Variants in ZNF138 observed in about 807,000 individuals in gnomAD.
ZNF138 encodes the protein zinc finger protein 138, also known as zinc finger protein 138 (clone pHZ-32).
In ZNF138, 33 loss-of-function variants were observed where a neutral mutation model predicts 33.0. That is an observed-to-expected ratio of 1.00 (90% confidence interval 0.76 to 1.34). ZNF138 has a LOEUF of 1.34. Among genes scored for constraint, ZNF138 ranks in the 40% most tolerant of loss-of-function variants. The pLI, the probability that ZNF138 is intolerant of heterozygous loss-of-function variation, is 0.00. For synonymous variants in ZNF138, 139 were observed against 120.4 expected, an observed-to-expected ratio of 1.15 and a Z score of -1.01; for missense variants, 360 against 370.8, an observed-to-expected ratio of 0.97 and a Z score of 0.24.
At chr7:64,814,822 T>G in intron 1 of ZNF138, 96 bp from the exon 2 acceptor site, 1 of 1,501,260 alleles carries the variant, frequency 6.7e-7, no homozygotes, top group Non-Finnish European at 9.1e-7. Context: ...TAATCAGTTT[T>G]CCTTACTGTC....
the ZNF138 span, among the ~76,000 whole-genome samples, chr7:64,841,362 AT>A: frequency 7.0e-4 from 107 of 152,160 alleles, no homozygotes; most frequent in African/African-American, 2.5e-3. Flanking sequence ...ATTTGTTCAG[AT>A]AAGAACTCGG....
chr7:64,834,633 A>ATTTT (rs1790309095), downstream of ZNF138, among the ~76,000 whole-genome samples: 1 of 152,182 alleles, frequency 6.6e-6, no homozygotes, highest in African/African-American at 2.4e-5. Context: ...GCTGCATCAA[A>ATTTT]GGTATGAGAG....
intron 3 of ZNF138, among the ~76,000 whole-genome samples, chr7:64,819,516 C>T (rs192368752): frequency 3.7e-4 from 56 of 151,788 alleles, no homozygotes; most frequent in African/African-American, 9.9e-4. Flanking sequence ...TACAGGTGGC[C>T]GCCACCATGC....
the ZNF138 span, among the ~76,000 whole-genome samples, chr7:64,839,662 AC>A: frequency 6.6e-6 from 1 of 152,110 alleles, no homozygotes; most frequent in Non-Finnish European, 1.5e-5. Context: ...AGCAGCTGTG[AC>A]CTGGCGGCAA....
chr7:64,838,009 C>T (rs1790411362), downstream of ZNF138, among the ~76,000 whole-genome samples: 2 of 152,058 alleles, frequency 1.3e-5, no homozygotes, highest in South Asian at 4.2e-4. Context: ...ATCCTTATAA[C>T]AGAGATTGAG....
Position 64,832,766 on chromosome 7 carries a change from T to C in ZNF138, c.*564T>C. On this transcript the variant is annotated 3_prime_UTR_variant, in exon 4 of 4. Transcript: ENST00000307355. ...AGAAACCTTACAAATGTGAGGAATG[T>C]GGCAAAGGTTTTAGCCAACTCTCAA... 2.2e-6 allele frequency: 1 copy of C among 453,034 alleles called. No individual in the cohort carries two copies. Among genetic ancestry groups the C allele is most frequent in the South Asian group, 1.7e-5 (1 of 57,844 alleles). The allele number at this position is 453,034 out of a possible 1,614,324, so 28.1% of individuals were successfully genotyped here.
chr7:64,810,495 C>A (rs1318591901), intron 1 of ZNF138, among the ~76,000 whole-genome samples: 1 of 151,166 alleles, frequency 6.6e-6, no homozygotes. Context: ...GTTTCTTATG[C>A]CTTGCTAAGA....
At chr7:64,852,828 T>C in the ZNF138 span, 199 of 838,782 alleles carry the variant, frequency 2.4e-4, 1 homozygote, top group South Asian at 2.6e-3. Context: ...TGACAGACAG[T>C]GGTAGTGACT....
chr7:64,834,339 TCA>T (rs1447254741), downstream of ZNF138, among the ~76,000 whole-genome samples: 1 of 152,190 alleles, frequency 6.6e-6, no homozygotes, highest in African/African-American at 2.4e-5. Flanking sequence ...ATCAGAGAAT[TCA>T]CAGTAAAAAT....
chr7:64,817,576 G>A lies in ZNF138; in HGVS notation c.208+1923G>A, dbSNP rs764842527. Among the ~76,000 whole-genome samples, 15 of 152,214 alleles carry A rather than the reference G, an allele frequency of 9.9e-5. No homozygotes were observed. The South Asian group carries it at 1.2e-3, about 13-fold the overall frequency. ...CAAGCTGGTCTTGAAATCCTGGCCCGAAGCAATTCTCCAATGTGAATGTAC... is the reference window on the plus strand; with the variant it reads ...CAAGCTGGTCTTGAAATCCTGGCCCAAAGCAATTCTCCAATGTGAATGTAC... On this transcript the variant is annotated intron_variant, in intron 3 of 3. Coordinates refer to ENST00000307355, the MANE Select transcript of ZNF138 (RefSeq NM_001271639.2).
rs1416703144 is a variant in ZNF138 at position 64,809,173 on chromosome 7, G to A, written c.4-5745G>A. Among the ~76,000 whole-genome samples the A allele has an allele frequency of 3.7e-4, 44 of 119,496 alleles. 2 individuals carry two copies. The highest frequency in any genetic ancestry group is 5.5e-3 in the Middle Eastern group (1 of 182). 78.4% of individuals were successfully genotyped at this position (119,496 alleles called of 152,430 possible). A position where few individuals can be genotyped will look rare whatever the true frequency, so the allele number is the denominator to read the frequency against. ...CCAGTAGGGGCGGCCGGGCAGAGGC[G>A]CCCCTCACCTCCCGGGTGGGGCAGC... On this transcript the variant is annotated intron_variant, in intron 1 of 3. Coordinates refer to ENST00000307355, the MANE Select transcript of ZNF138 (RefSeq NM_001271639.2).
chr7:64,795,654 A>T (rs62456794), intron 1 of ZNF138, among the ~76,000 whole-genome samples: 1 of 150,612 alleles, frequency 6.6e-6, no homozygotes, highest in Non-Finnish European at 1.5e-5. Context: ...TCATCCCCTG[A>T]TGCTGTATTG....
At chr7:64,821,170 A>T (rs1358445279) in intron 3 of ZNF138, among the ~76,000 whole-genome samples, 2 of 135,586 alleles carry the variant, frequency 1.5e-5, no homozygotes, top group Non-Finnish European at 3.1e-5. Context: ...GCTCGCTGCA[A>T]CCTCCACCTC....
rs375225024 is a variant in ZNF138 at position 64,831,906 on chromosome 7, C to T, written c.664C>T (p.Pro222Ser). ...KPKKIHTGEK[P>S]YKCEVCGKAF... ...TAAGAAAATTCATACTGGAGAAAAA[C>T]CCTACAAATGTGAAGTATGTGGAAA... is the stretch of plus-strand genomic sequence containing the variant. Residue 222 changes from proline to serine, a missense_variant, in exon 4 of 4, where the codon CCC becomes TCC. Physicochemically the swap from Pro to Ser is moderately conservative, Grantham distance 74. Transcript: ENST00000307355. 1 of 1,613,758 alleles carries T rather than the reference C, an allele frequency of 6.2e-7. No homozygotes were observed. The highest frequency in any genetic ancestry group is 1.7e-5 in the Admixed American group (1 of 59,992).
chr7:64,834,471 T>A (rs1272683256), downstream of ZNF138, among the ~76,000 whole-genome samples: 1 of 152,146 alleles, frequency 6.6e-6, no homozygotes, highest in Admixed American at 6.5e-5. Context: ...AGTAGAAATA[T>A]TTTTGCAGAG....
intron 1 of ZNF138, among the ~76,000 whole-genome samples, chr7:64,795,704 C>T (rs1260957766): frequency 6.7e-5 from 10 of 148,670 alleles, no homozygotes; most frequent in Middle Eastern, 3.4e-3. Context: ...TTTAAATCTT[C>T]CCTAGGTACA....
chr7:64,805,696 A>G (rs1263486058), intron 1 of ZNF138, among the ~76,000 whole-genome samples: 2 of 152,348 alleles, frequency 1.3e-5, no homozygotes, highest in African/African-American at 2.4e-5. Context: ...GGCGTAGCAT[A>G]GCCATAAAGT....
At chr7:64,859,599 A>T in the ZNF138 span, among the ~76,000 whole-genome samples, 17 of 152,314 alleles carry the variant, frequency 1.1e-4, no homozygotes, top group Admixed American at 2.6e-4. Flanking sequence ...ATAATTGTGA[A>T]TCCCAACTTT....
intron 1 of ZNF138, among the ~76,000 whole-genome samples, chr7:64,806,670 C>A (rs1787623802): frequency 6.6e-6 from 1 of 152,176 alleles, no homozygotes; most frequent in Non-Finnish European, 1.5e-5. Flanking sequence ...GTCTTTATCC[C>A]TTCTTTGAGC....
Sources: allele counts gnomAD v4.1 joint callset (sites outside exome capture counted in the v4.1 genomes callset), GRCh38; gene constraint gnomAD v4.1.1; transcripts MANE v1.5; gene names NCBI Gene and HGNC (gene_info 2026-07-23, HGNC 2026-07-21).